SH2D3C: variants seen among roughly 807,000 people sequenced by gnomAD.
The protein encoded by SH2D3C is SH2 domain-containing protein 3C.
SH2D3C carries 25 observed loss-of-function variants against 75.2 expected under a neutral mutation model. The observed-to-expected ratio is 0.33, with a 90% CI of 0.24 to 0.46. SH2D3C has a LOEUF of 0.46. Among genes scored for constraint, SH2D3C ranks in the 20% least tolerant of loss-of-function variants. The pLI, the probability that SH2D3C is intolerant of heterozygous loss-of-function variation, is 1.00. For missense variants in SH2D3C, 933 were observed against 1,165.3 expected (o/e 0.80, Z 2.90); for synonymous variants, 450 against 473.7 (o/e 0.95, Z 0.65).
Position 127,754,993 on chromosome 9 carries a change from G to A in SH2D3C, c.556-3693C>T, listed in dbSNP as rs1845328143. On this transcript the variant is annotated intron_variant, in intron 3 of 11. Transcript: ENST00000314830. This position sits in a 1 kb window ranked among gnomAD's most constrained non-coding sequence, Gnocchi z 4.4. ...CCCTGCCGGGCGCCGCTGAGCTGCAGCTCCCCGGCTGGCTCTAGGGCCCCG... is the reference window on the plus strand; with the variant it reads ...CCCTGCCGGGCGCCGCTGAGCTGCAACTCCCCGGCTGGCTCTAGGGCCCCG... The A allele has an allele frequency of 1.6e-6, 1 of 636,628 alleles. No individual in the cohort carries two copies. The highest frequency in any genetic ancestry group is 3.4e-5 in the South Asian group (1 of 29,134). The allele number at this position is 636,628 out of a possible 1,614,324, so 39.4% of individuals were successfully genotyped here.
At position 127,754,746 on chromosome 9, in the gene SH2D3C, A is replaced by C. The variant is rs936431245; in HGVS notation, c.556-3446T>G. On this transcript the variant is annotated intron_variant, in intron 3 of 11. Transcript: ENST00000314830. This position sits in a 1 kb window ranked among gnomAD's most constrained non-coding sequence, Gnocchi z 4.4. ...GGTCAGCCGCAAGGGCCAGCGTACC[A>C]GGCGGAGGACCGGCAGGACGCCGGA... 6.5e-6 allele frequency: 3 copies of C among 459,590 alleles called. No individual in the cohort carries two copies. Among genetic ancestry groups the C allele is most frequent in the African/African-American group, 6.0e-5 (3 of 49,694 alleles). 28.5% of individuals were successfully genotyped at this position (459,590 alleles called of 1,614,324 possible). A position where few individuals can be genotyped will look rare whatever the true frequency, so the allele number is the denominator to read the frequency against.
intron 2 of SH2D3C, among the ~76,000 whole-genome samples, 200 bp downstream of exon 2, chr9:127,773,790 C>T (rs1334543117): frequency 2.6e-5 from 4 of 151,832 alleles, no homozygotes; most frequent in Non-Finnish European, 4.4e-5. Flanking sequence ...TGGTGTTGGG[C>T]GCCTGTAGTC....
Position 127,749,773 on chromosome 9 carries a change from C to A in SH2D3C, c.685-108G>T. 1 of 697,420 alleles carries A rather than the reference C, an allele frequency of 1.4e-6. No homozygotes were observed. The highest frequency in any genetic ancestry group is 1.7e-5 in the South Asian group (1 of 58,826). 43.2% of individuals were successfully genotyped at this position (697,420 alleles called of 1,614,324 possible). The stretch of plus-strand genomic sequence containing the variant: ...ATTAGGGGGCACAGCAAGACCAGAC[C>A]CAGGGCATAGAGGACCCAATGAACA... On this transcript the variant is annotated intron_variant, in intron 4 of 11. Coordinates refer to ENST00000314830, the MANE Select transcript of SH2D3C (RefSeq NM_170600.3). The surrounding 1 kb of genome is among the most constrained non-coding windows in gnomAD (Gnocchi z 5.9).
At chr9:127,764,730 T>A (rs1381500825) in intron 2 of SH2D3C, among the ~76,000 whole-genome samples, 1 of 152,166 alleles carries the variant, frequency 6.6e-6, no homozygotes, top group Non-Finnish European at 1.5e-5. Flanking sequence ...GCTGTTGAGA[T>A]GGAGTCTCGC....
chr9:127,764,859 C>A (rs1265234861), intron 2 of SH2D3C, among the ~76,000 whole-genome samples: 6 of 152,070 alleles, frequency 3.9e-5, no homozygotes, highest in Admixed American at 3.9e-4. Flanking sequence ...AGGTGACCAC[C>A]ACCACGCCGG....
Position 127,739,633 on chromosome 9 carries a change from G to T in SH2D3C, c.2407+49C>A, listed in dbSNP as rs770491443. ...GAAAAGGGAAGCAGTGAGGCAGGTG[G>T]AGGGAGGCCCAGGCCTGCAAGCCCC... On this transcript the variant is annotated intron_variant, in intron 11 of 11. Transcript: ENST00000314830. The surrounding 1 kb of genome is among the most constrained non-coding windows in gnomAD (Gnocchi z 4.3). The T allele has an allele frequency of 1.3e-5, 20 of 1,526,364 alleles. No homozygotes were observed. Among genetic ancestry groups the T allele is most frequent in the Non-Finnish European group, 1.8e-5 (20 of 1,117,328 alleles). 94.6% of individuals were successfully genotyped at this position (1,526,364 alleles called of 1,614,324 possible).
intron 2 of SH2D3C, among the ~76,000 whole-genome samples, chr9:127,764,730 T>C (rs1381500825): frequency 6.6e-6 from 1 of 152,166 alleles, no homozygotes; most frequent in Non-Finnish European, 1.5e-5. Flanking sequence ...GCTGTTGAGA[T>C]GGAGTCTCGC....
Position 127,774,539 on chromosome 9 carries a change from T to A in SH2D3C, c.38-72A>T. ...ATCAGTGATAATAATGAACAATTCC[T>A]GCAGTTTCACTCGGTGAGGGGCTGA... On this transcript the variant is annotated intron_variant, in intron 1 of 11. Coordinates refer to ENST00000314830, the MANE Select transcript of SH2D3C (RefSeq NM_170600.3). This position sits in a 1 kb window ranked among gnomAD's most constrained non-coding sequence, Gnocchi z 4.3. 1.2e-6 allele frequency: 1 copy of A among 845,602 alleles called. No homozygotes were observed. The highest frequency in any genetic ancestry group is 2.0e-6 in the Non-Finnish European group (1 of 508,534). 52.4% of individuals were successfully genotyped at this position (845,602 alleles called of 1,614,324 possible). A position where few individuals can be genotyped will look rare whatever the true frequency, so the allele number is the denominator to read the frequency against.
Position 127,749,091 on chromosome 9 carries a change from C to T in SH2D3C, c.1139+120G>A, listed in dbSNP as rs1360250797. 13 of 793,194 alleles carry T rather than the reference C, an allele frequency of 1.6e-5. No individual in the cohort carries two copies. The highest frequency in any genetic ancestry group is 2.4e-5 in the Non-Finnish European group (12 of 497,006). 49.1% of individuals were successfully genotyped at this position (793,194 alleles called of 1,614,324 possible). ...TGGCCCAACCTTCCTCCCATTCCTC[C>T]CTGCACACAGAGGCTCCAGGAGAGT... On this transcript the variant is annotated intron_variant, in intron 5 of 11. Coordinates refer to ENST00000314830, the MANE Select transcript of SH2D3C (RefSeq NM_170600.3). The surrounding 1 kb of genome is among the most constrained non-coding windows in gnomAD (Gnocchi z 5.9).
chr9:127,755,215 C>T, intron 3 of SH2D3C: 1 of 1,185,554 alleles, frequency 8.4e-7, no homozygotes, highest in Non-Finnish European at 1.0e-6. Context: ...GCCGGCGGGG[C>T]AGGGGCGCAG....
chr9:127,756,676 G>C (rs1050801756), intron 3 of SH2D3C, among the ~76,000 whole-genome samples: 1 of 128,388 alleles, frequency 7.8e-6, no homozygotes, highest in Non-Finnish European at 1.6e-5. Flanking sequence ...ATGGAGTCTC[G>C]CTCTGTCACC....
rs530402024 is a variant in SH2D3C, at chr9:127,738,992, C to A, written c.2408-71G>T. The A allele has an allele frequency of 2.7e-4, 371 of 1,385,714 alleles. No homozygotes were observed. Among genetic ancestry groups the A allele is most frequent in the Non-Finnish European group, 3.2e-4 (334 of 1,053,384 alleles). 85.8% of individuals were successfully genotyped at this position (1,385,714 alleles called of 1,614,324 possible). ...TCCAGAGCCCTAGCATTCTTCAGGA[C>A]CCCCCTGTTAGGGACCTCCCCTCAA... On this transcript the variant is annotated intron_variant, in intron 11 of 11. Transcript: ENST00000314830. The surrounding 1 kb of genome is among the most constrained non-coding windows in gnomAD (Gnocchi z 5.0).
chr9:127,748,397 G>A (rs1845097350), intron 5 of SH2D3C, among the ~76,000 whole-genome samples: 1 of 152,204 alleles, frequency 6.6e-6, no homozygotes, highest in Non-Finnish European at 1.5e-5. Flanking sequence ...GGGAGACAGA[G>A]CCTCAAGGGC....
chr9:127,756,311 AAG>A (rs921130236), intron 3 of SH2D3C, among the ~76,000 whole-genome samples: 18 of 152,222 alleles, frequency 1.2e-4, no homozygotes, highest in African/African-American at 3.9e-4. Context: ...CAAAAAGAAA[AAG>A]AAAAAGAAAC....
At chr9:127,768,738 G>A (rs1036421990) in intron 2 of SH2D3C, among the ~76,000 whole-genome samples, 1 of 152,166 alleles carries the variant, frequency 6.6e-6, no homozygotes, top group Non-Finnish European at 1.5e-5. Flanking sequence ...CAGGCCCTAC[G>A]TTATCTGCTC....
chr9:127,747,380 G>A, intron 5 of SH2D3C, 109 bp from the exon 6 acceptor site: 1 of 1,083,394 alleles, frequency 9.2e-7, no homozygotes, highest in Admixed American at 3.1e-5. Context: ...GAGAAGGCTT[G>A]GAGATTATCA....
chr9:127,740,392 G>C, intron 9 of SH2D3C, 23 bp from the exon 10 acceptor site: 1 of 1,597,586 alleles, frequency 6.3e-7, no homozygotes, highest in Non-Finnish European at 8.6e-7. Flanking sequence ...AACTGTGAGA[G>C]ACCAGCCAGG....
chr9:127,738,622 T>TAA lies in SH2D3C; in HGVS notation c.*123_*124insTT. 9.5e-7 allele frequency: 1 copy of TAA among 1,052,676 alleles called. No homozygotes were observed. Among genetic ancestry groups the TAA allele is most frequent in the East Asian group, 2.9e-5 (1 of 34,568 alleles). 65.2% of individuals were successfully genotyped at this position (1,052,676 alleles called of 1,614,324 possible). A position where few individuals can be genotyped will look rare whatever the true frequency, so the allele number is the denominator to read the frequency against. ...CAGGACCCTGGAGGTGCAAGGGAGATGCTTGAGTTGAACCCAGAACATTCT... is the reference window on the plus strand; with the variant it reads ...CAGGACCCTGGAGGTGCAAGGGAGATAAGCTTGAGTTGAACCCAGAACATTCT... On this transcript the variant is annotated 3_prime_UTR_variant, in exon 12 of 12. Transcript: ENST00000314830. The surrounding 1 kb of genome is among the most constrained non-coding windows in gnomAD (Gnocchi z 5.0).
At chr9:127,771,445 G>C (rs1355387526) in intron 2 of SH2D3C, 6 of 1,181,568 alleles carry the variant, frequency 5.1e-6, no homozygotes, top group South Asian at 4.3e-5. Flanking sequence ...CCTCGAACAC[G>C]GCCCTCCGCC....
Sources: allele counts gnomAD v4.1 joint callset (sites outside exome capture counted in the v4.1 genomes callset), GRCh38; gene constraint gnomAD v4.1.1; non-coding constraint Gnocchi (gnomAD v3.1); transcripts MANE v1.5; gene names NCBI Gene and HGNC (gene_info 2026-07-23, HGNC 2026-07-21).